The following AFF3 variants were observed in gnomAD, a reference collection of about 807,000 sequenced individuals.
The protein encoded by AFF3 is ALF transcription elongation factor 3.
In AFF3, 32 loss-of-function variants were observed where a neutral mutation model predicts 129.7. That is an observed-to-expected ratio of 0.25 (90% CI 0.19 to 0.33). AFF3 has a LOEUF of 0.33. AFF3 is among the 10% of genes least tolerant of loss of function. The pLI is 1.00. For synonymous variants in AFF3, 644 were observed against 635.4 expected, an observed-to-expected ratio of 1.01 and a Z score of -0.20; for missense variants, 1,373 against 1,592.0, an observed-to-expected ratio of 0.86 and a Z score of 2.34.
chr2:99,949,438 T>C (rs971349744), intron 7 of AFF3, among the ~76,000 whole-genome samples: 5 of 152,060 alleles, frequency 3.3e-5, no homozygotes, highest in African/African-American at 1.2e-4. Context: ...ATGATTCAAG[T>C]GCATTACATT....
intron 7 of AFF3, among the ~76,000 whole-genome samples, chr2:99,960,171 A>C (rs1380942643): frequency 1.3e-5 from 2 of 152,184 alleles, no homozygotes; most frequent in Non-Finnish European, 2.9e-5. Context: ...AGAGTAGCAC[A>C]ATCAAGATTT....
intron 7 of AFF3, among the ~76,000 whole-genome samples, chr2:99,983,428 T>C (rs1463012565): frequency 6.6e-6 from 1 of 152,268 alleles, no homozygotes; most frequent in Non-Finnish European, 1.5e-5. Context: ...GCACTACTTC[T>C]GAATTATTTG....
At chr2:99,847,402 C>T (rs928089456) in intron 7 of AFF3, among the ~76,000 whole-genome samples, 1 of 152,016 alleles carries the variant, frequency 6.6e-6, no homozygotes, top group African/African-American at 2.4e-5. Context: ...TCTCGAACTC[C>T]TGACCTTTAG....
chr2:100,100,625 T>C (rs1471381485), intron 4 of AFF3, among the ~76,000 whole-genome samples: 1 of 152,240 alleles, frequency 6.6e-6, no homozygotes, highest in African/African-American at 2.4e-5. Flanking sequence ...CTTGTCTTAA[T>C]TTCCTCACTT....
At chr2:99,664,277 C>A (rs183367807) in intron 12 of AFF3, among the ~76,000 whole-genome samples, 1 of 152,296 alleles carries the variant, frequency 6.6e-6, no homozygotes, top group African/African-American at 2.4e-5. Flanking sequence ...ATAGGTGCAA[C>A]CATAAGGCTA....
intron 1 of AFF3, among the ~76,000 whole-genome samples, chr2:100,138,691 C>A (rs959123583): frequency 6.6e-6 from 1 of 152,084 alleles, no homozygotes. Flanking sequence ...TGCCTGTAAT[C>A]CCAGCAGTTT....
intron 12 of AFF3, among the ~76,000 whole-genome samples, chr2:99,662,106 C>T (rs1353461543): frequency 6.6e-6 from 1 of 151,768 alleles, no homozygotes. Context: ...CGCCACTGAA[C>T]TTCAGCCTGG....
chr2:99,607,463 C>T (rs778280618), intron 13 of AFF3, among the ~76,000 whole-genome samples: 6 of 151,008 alleles, frequency 4.0e-5, no homozygotes, highest in East Asian at 3.9e-4. Context: ...ACCTGGGAGG[C>T]GGAGGTTACA....
At chr2:99,774,724 A>C (rs763282712) in intron 8 of AFF3, among the ~76,000 whole-genome samples, 5 of 152,220 alleles carry the variant, frequency 3.3e-5, no homozygotes, top group Non-Finnish European at 5.9e-5. Flanking sequence ...AATTGCAACA[A>C]AAGCAAAAAT....
At chr2:99,692,528 A>G (rs10183230) in intron 11 of AFF3, among the ~76,000 whole-genome samples, 5 of 152,096 alleles carry the variant, frequency 3.3e-5, no homozygotes, top group Non-Finnish European at 7.4e-5. Flanking sequence ...GGGAGTGGGG[A>G]GGGAGCAGTG....
chr2:99,843,325 A>AGGGGGATGTTAGG (rs1689460680), intron 7 of AFF3, among the ~76,000 whole-genome samples: 2 of 152,198 alleles, frequency 1.3e-5, no homozygotes, highest in South Asian at 4.1e-4. Flanking sequence ...ATCCCCTGTC[A>AGGGGGATGTTAGG]GGGGCTTCAC....
chr2:99,823,866 C>A (rs371419637), intron 8 of AFF3, among the ~76,000 whole-genome samples: 4 of 152,246 alleles, frequency 2.6e-5, no homozygotes, highest in Admixed American at 2.6e-4. Flanking sequence ...AAATAAAATA[C>A]CAGGTTCTCA....
chr2:99,773,509 G>T (rs1027112422), intron 8 of AFF3, among the ~76,000 whole-genome samples: 4 of 150,450 alleles, frequency 2.7e-5, no homozygotes, highest in African/African-American at 4.9e-5. Context: ...ACTGTGCTAC[G>T]TCAATTCCTG....
chr2:99,933,065 T>C (rs921593203), intron 7 of AFF3, among the ~76,000 whole-genome samples: 2 of 152,224 alleles, frequency 1.3e-5, no homozygotes, highest in Non-Finnish European at 1.5e-5. Context: ...GATTGATGTT[T>C]CCAGAAAGGA....
chr2:99,662,304 G>A (rs1023794727), intron 12 of AFF3, among the ~76,000 whole-genome samples: 5 of 152,134 alleles, frequency 3.3e-5, no homozygotes, highest in African/African-American at 1.2e-4. Flanking sequence ...TTTTCAATTA[G>A]AGTTATTGTT....
At chr2:100,094,270 A>G (rs943483806) in intron 4 of AFF3, among the ~76,000 whole-genome samples, 4 of 152,106 alleles carry the variant, frequency 2.6e-5, no homozygotes, top group Non-Finnish European at 5.9e-5. Context: ...TAATAAAATA[A>G]TTATACAACT....
chr2:99,702,932 GT>G (rs1435775169), intron 11 of AFF3, among the ~76,000 whole-genome samples: 2 of 152,156 alleles, frequency 1.3e-5, no homozygotes, highest in Non-Finnish European at 2.9e-5. Context: ...CAATTTACCA[GT>G]TTTTCCTTTT....
intron 11 of AFF3, among the ~76,000 whole-genome samples, chr2:99,693,269 C>T (rs916346617): frequency 6.6e-6 from 1 of 152,082 alleles, no homozygotes; most frequent in South Asian, 2.1e-4. Context: ...AAATTATTGC[C>T]CCAAAATGGG....
intron 7 of AFF3, among the ~76,000 whole-genome samples, chr2:99,905,820 C>CA (rs1694678048): frequency 1.3e-5 from 2 of 152,148 alleles, no homozygotes; most frequent in Admixed American, 6.5e-5. Context: ...CTCATACCAG[C>CA]AGCAGCAGAT....
Sources: gnomAD v4.1 joint callset for allele counts (sites outside exome capture counted in the v4.1 genomes callset) on GRCh38, gnomAD v4.1.1 for gene constraint, MANE v1.5 for transcripts, NCBI Gene and HGNC (gene_info 2026-07-23, HGNC 2026-07-21) for gene names.